Variants in SLC2A5 observed in about 807,000 individuals in gnomAD.
SLC2A5 encodes the protein solute carrier family 2, facilitated glucose transporter member 5.
SLC2A5 carries 56 observed loss-of-function variants against 50.3 expected under a neutral mutation model. The ratio of observed to expected loss-of-function variants is 1.11; its 90% CI spans 0.90 to 1.39. The LOEUF (loss-of-function observed/expected upper bound fraction) is 1.39, where lower values mean the gene tolerates loss of function less well. SLC2A5 is among the 40% of genes most tolerant of loss of function. The pLI is 0.00. For missense variants in SLC2A5, 566 were observed against 650.1 expected, an observed-to-expected ratio of 0.87 and a Z score of 1.41; for synonymous variants, 269 against 281.9, an observed-to-expected ratio of 0.95 and a Z score of 0.46.
chr1:9,074,182 G>T (rs190022074), upstream of SLC2A5, among the ~76,000 whole-genome samples: 4 of 152,098 alleles, frequency 2.6e-5, no homozygotes, highest in Non-Finnish European at 5.9e-5. Flanking sequence ...TGGAGCGGAG[G>T]GGGGCAAGCA....
intron 1 of SLC2A5, among the ~76,000 whole-genome samples, chr1:9,060,991 A>T (rs1203824114): frequency 6.6e-6 from 1 of 151,916 alleles, no homozygotes; most frequent in African/African-American, 2.4e-5. Context: ...AATGTTGATT[A>T]AAAAATTCTC....
At chr1:9,070,225 C>T (rs534470048), upstream of SLC2A5, among the ~76,000 whole-genome samples, 4 of 151,872 alleles carry the variant, frequency 2.6e-5, no homozygotes, top group East Asian at 3.9e-4. Context: ...GGATTACAGG[C>T]GTGCACTACC....
At chr1:9,078,409 G>A (rs1261027577) in intron 2 of SLC2A5, among the ~76,000 whole-genome samples, 1 of 151,984 alleles carries the variant, frequency 6.6e-6, no homozygotes, top group African/African-American at 2.4e-5. Flanking sequence ...ACTTTACTCG[G>A]TCCCTATTCA....
chr1:9,040,370 G>A lies in SLC2A5; in HGVS notation c.572-181C>T, dbSNP rs534271047. ...ACACTCGGGAAACACCTGCAGCAGGGATCAGCAGCGACGCACCCCTGCGCC... is the reference window on the plus strand; with the variant it reads ...ACACTCGGGAAACACCTGCAGCAGGAATCAGCAGCGACGCACCCCTGCGCC... On this transcript the variant is annotated intron_variant, in intron 5 of 11. Transcript: ENST00000377424. The surrounding 1 kb of genome is among the most constrained non-coding windows in gnomAD (Gnocchi z 4.3). The A allele has an allele frequency of 7.1e-6, 5 of 699,490 alleles. No homozygotes were observed. The East Asian group carries it at 1.4e-4, about 19-fold the overall frequency. 43.3% of individuals were successfully genotyped at this position (699,490 alleles called of 1,614,324 possible).
chr1:9,064,002 A>T (rs2124437591), intron 1 of SLC2A5, among the ~76,000 whole-genome samples: 1 of 151,330 alleles, frequency 6.6e-6, no homozygotes, highest in East Asian at 2.0e-4. Flanking sequence ...GCCTATTTAC[A>T]TTTTTTATAG....
At chr1:9,089,709 C>T (rs1642442441), upstream of SLC2A5, among the ~76,000 whole-genome samples, 1 of 152,184 alleles carries the variant, frequency 6.6e-6, no homozygotes, top group Non-Finnish European at 1.5e-5. Context: ...CCCTGGCTGC[C>T]CACCAAACTG....
chr1:9,055,031 A>C lies in SLC2A5; in HGVS notation c.293+2417T>G, dbSNP rs558318670. Among the ~76,000 whole-genome samples, 3 of 152,324 alleles carry C rather than the reference A, an allele frequency of 2.0e-5. No homozygotes were observed. The South Asian group carries it at 6.2e-4, about 32-fold the overall frequency. ...TAAAATTTTGCATAAAAAAGGTACT[A>C]TATGTATGATTAAAAAAATAAAGCA... On this transcript the variant is annotated intron_variant, in intron 3 of 11. Transcript: ENST00000377424.
At chr1:9,049,859 T>G (rs923182484) in intron 3 of SLC2A5, among the ~76,000 whole-genome samples, 1 of 152,124 alleles carries the variant, frequency 6.6e-6, no homozygotes, top group East Asian at 1.9e-4. Context: ...GGTGCTGGGC[T>G]GGGTGCCGTG....
intron 2 of SLC2A5, among the ~76,000 whole-genome samples, chr1:9,081,311 A>G (rs1214140389): frequency 2.7e-4 from 40 of 150,174 alleles, no homozygotes; most frequent in Non-Finnish European, 1.6e-4. Flanking sequence ...CCAAAACAAA[A>G]CCCACACTTT....
At chr1:9,051,285 C>G (rs75028595) in intron 3 of SLC2A5, among the ~76,000 whole-genome samples, 62 of 143,722 alleles carry the variant, frequency 4.3e-4, no homozygotes, top group South Asian at 6.5e-4. Flanking sequence ...AAGAAAGAAA[C>G]AAACAAACAA....
chr1:9,088,288 A>C (rs942544904), intron 1 of SLC2A5: 2 of 150,142 alleles, frequency 1.3e-5, no homozygotes, highest in Non-Finnish European at 3.0e-5. Flanking sequence ...CTCCTCACCC[A>C]CCCGAACCCT....
At chr1:9,078,074 T>A (rs1642312540) in intron 2 of SLC2A5, among the ~76,000 whole-genome samples, 2 of 152,162 alleles carry the variant, frequency 1.3e-5, no homozygotes, top group South Asian at 4.1e-4. Flanking sequence ...GGGAAAGGGG[T>A]GGACAGTTCC....
intron 3 of SLC2A5, among the ~76,000 whole-genome samples, chr1:9,050,743 A>T (rs1366826253): frequency 6.6e-6 from 1 of 152,210 alleles, no homozygotes; most frequent in Non-Finnish European, 1.5e-5. Flanking sequence ...AAGGTTAGAA[A>T]ATATAAAATC....
At chr1:9,062,121 T>A (rs1257814985) in intron 1 of SLC2A5, among the ~76,000 whole-genome samples, 1 of 152,058 alleles carries the variant, frequency 6.6e-6, no homozygotes, top group African/African-American at 2.4e-5. Context: ...GCCAACTTCA[T>A]TAAACAAATA....
intron 1 of SLC2A5, among the ~76,000 whole-genome samples, chr1:9,067,051 C>A (rs1642100885): frequency 6.6e-6 from 1 of 152,066 alleles, no homozygotes; most frequent in Non-Finnish European, 1.5e-5. Flanking sequence ...TGCCACACAA[C>A]CACTGAGGGG....
At chr1:9,055,440 C>T (rs1358459458) in intron 3 of SLC2A5, among the ~76,000 whole-genome samples, 4 of 151,874 alleles carry the variant, frequency 2.6e-5, no homozygotes, top group Admixed American at 6.6e-5. Context: ...TCGTTTGAAC[C>T]CGGGAGGCAG....
upstream of SLC2A5, among the ~76,000 whole-genome samples, chr1:9,091,801 G>C (rs1459779610): frequency 1.3e-5 from 2 of 152,052 alleles, no homozygotes; most frequent in Non-Finnish European, 2.9e-5. Context: ...GCCATCATTG[G>C]AGGGTATCAT....
At chr1:9,073,351 G>T (rs1330406407), upstream of SLC2A5, among the ~76,000 whole-genome samples, 1 of 152,246 alleles carries the variant, frequency 6.6e-6, no homozygotes, top group African/African-American at 2.4e-5. Flanking sequence ...CAGACATAAA[G>T]TTCCGCTTAA....
intron 2 of SLC2A5, among the ~76,000 whole-genome samples, chr1:9,083,198 T>A (rs79180778): frequency 0.035 from 5,298 of 152,238 alleles, 317 homozygotes; most frequent in East Asian, 0.24. Flanking sequence ...AACTGTAAGC[T>A]CAAAGGCAAC....
Sources: gnomAD v4.1 joint callset for allele counts (sites outside exome capture counted in the v4.1 genomes callset) on GRCh38, gnomAD v4.1.1 for gene constraint, Gnocchi (gnomAD v3.1) non-coding constraint, MANE v1.5 for transcripts, NCBI Gene and HGNC (gene_info 2026-07-23, HGNC 2026-07-21) for gene names.